RANBP17: variants seen among roughly 807,000 people sequenced by gnomAD.
The protein encoded by RANBP17 is ran-binding protein 17.
Under a neutral mutation model 141.2 loss-of-function variants are expected in RANBP17, and 158 were observed. That is an observed-to-expected ratio of 1.12 (90% CI 0.98 to 1.28). RANBP17 has a LOEUF of 1.28. Ranked by LOEUF, RANBP17 falls within the 50% of genes most tolerant of loss-of-function variation. The pLI, the probability that RANBP17 is intolerant of heterozygous loss-of-function variation, is 0.00. For synonymous variants in RANBP17, 430 were observed against 450.0 expected, an observed-to-expected ratio of 0.96 and a Z score of 0.56; for missense variants, 1,438 against 1,290.7, an observed-to-expected ratio of 1.11 and a Z score of -1.75.
chr5:171,252,200 A>C (rs1765616520), intron 24 of RANBP17: 17 of 1,578,908 alleles, frequency 1.1e-5, no homozygotes, highest in Admixed American at 1.0e-4. Context: ...GAATTCTTAA[A>C]TTACCTACTA....
At chr5:170,882,760 C>T (rs1479186158) in intron 3 of RANBP17, among the ~76,000 whole-genome samples, 5 of 152,110 alleles carry the variant, frequency 3.3e-5, no homozygotes, top group Non-Finnish European at 2.9e-5. Flanking sequence ...GATAAACAGT[C>T]TTGGAACTTT....
intron 16 of RANBP17, among the ~76,000 whole-genome samples, chr5:171,173,604 C>G (rs1760244799): frequency 6.6e-6 from 1 of 152,040 alleles, no homozygotes; most frequent in Non-Finnish European, 1.5e-5. Flanking sequence ...TTTTATCTGA[C>G]CACTTGTTAG....
intron 14 of RANBP17, among the ~76,000 whole-genome samples, chr5:171,163,304 G>A (rs916845172): frequency 2.0e-5 from 3 of 152,174 alleles, no homozygotes; most frequent in Admixed American, 6.5e-5. Flanking sequence ...AATGATGTTT[G>A]TACCATTAAT....
intron 14 of RANBP17, among the ~76,000 whole-genome samples, chr5:171,097,291 G>A (rs1786763117): frequency 6.6e-6 from 1 of 152,058 alleles, no homozygotes; most frequent in South Asian, 2.1e-4. Context: ...AAACACAGGA[G>A]AAGTTGGAAA....
rs117079206 is a variant in RANBP17 at position 170,911,713 on chromosome 5, A to G, written c.760+579A>G. Among the ~76,000 whole-genome samples the G allele has an allele frequency of 2.6e-5, 4 of 152,088 alleles. No homozygotes were observed. The East Asian group carries it at 7.7e-4, about 29-fold the overall frequency. ...AAGTTTAATATGAAGAGTTGGCAAGAGATGTCAACATATCTTTCAGGGTTA... is the reference window on the plus strand; with the variant it reads ...AAGTTTAATATGAAGAGTTGGCAAGGGATGTCAACATATCTTTCAGGGTTA... On this transcript the variant is annotated intron_variant, in intron 7 of 27. Transcript: ENST00000523189.
chr5:171,170,361 A>C (rs541831408), intron 15 of RANBP17, among the ~76,000 whole-genome samples, 158 bp downstream of exon 15: 2 of 152,154 alleles, frequency 1.3e-5, no homozygotes, highest in Non-Finnish European at 2.9e-5. Context: ...ATTGAAACTT[A>C]ATTTCACATA....
chr5:171,187,247 G>A (rs1424694199), intron 18 of RANBP17, among the ~76,000 whole-genome samples: 1 of 152,060 alleles, frequency 6.6e-6, no homozygotes, highest in Non-Finnish European at 1.5e-5. Flanking sequence ...ACAATTTGTG[G>A]TGCCCCACAA....
intron 14 of RANBP17, among the ~76,000 whole-genome samples, chr5:171,038,100 C>T (rs925322837): frequency 1.3e-5 from 2 of 151,608 alleles, no homozygotes; most frequent in African/African-American, 2.4e-5. Context: ...TTTCTTTCAA[C>T]AGTGTTTTGG....
At chr5:171,273,293 C>A (rs918059102) in intron 25 of RANBP17, among the ~76,000 whole-genome samples, 5 of 152,308 alleles carry the variant, frequency 3.3e-5, no homozygotes, top group Admixed American at 2.6e-4. Context: ...CTGTTGAGTA[C>A]CATTAACTCT....
intron 14 of RANBP17, among the ~76,000 whole-genome samples, chr5:171,125,296 C>CAAAAAAAAAAAAA (rs3083436): frequency 1.2e-5 from 1 of 85,952 alleles, no homozygotes; most frequent in African/African-American, 4.5e-5. Flanking sequence ...GACTATGTAT[C>CAAAAAAAAAAAAA]AAAAAAAAAA....
At chr5:171,185,551 A>G (rs1375038825) in intron 18 of RANBP17, among the ~76,000 whole-genome samples, 1 of 152,216 alleles carries the variant, frequency 6.6e-6, no homozygotes, top group African/African-American at 2.4e-5. Flanking sequence ...CGTCTTTACC[A>G]CAAGTAGATT....
intron 14 of RANBP17, chr5:171,028,726 T>C: frequency 2.9e-6 from 1 of 339,594 alleles, no homozygotes; most frequent in South Asian, 2.5e-5. Flanking sequence ...TTCCAACTTT[T>C]GCAGAGACTT....
intron 14 of RANBP17, among the ~76,000 whole-genome samples, chr5:171,062,012 G>T (rs1273228278): frequency 6.6e-6 from 1 of 151,282 alleles, no homozygotes; most frequent in Non-Finnish European, 1.5e-5. Flanking sequence ...CATTTGCTTG[G>T]TAGATCTTCC....
chr5:171,066,232 T>C (rs1784305829), intron 14 of RANBP17, among the ~76,000 whole-genome samples: 1 of 152,154 alleles, frequency 6.6e-6, no homozygotes, highest in Non-Finnish European at 1.5e-5. Context: ...TGGTTATTAA[T>C]CATAGTTACC....
intron 25 of RANBP17, among the ~76,000 whole-genome samples, chr5:171,280,649 C>T (rs1767798974): frequency 6.6e-6 from 1 of 152,150 alleles, no homozygotes; most frequent in Admixed American, 6.5e-5. Context: ...AGGAAGACTC[C>T]TTGTTTGTCT....
chr5:171,133,815 G>A (rs1757092127), intron 14 of RANBP17, among the ~76,000 whole-genome samples: 3 of 152,264 alleles, frequency 2.0e-5, no homozygotes, highest in Admixed American at 1.3e-4. Context: ...TTTTGAAAAA[G>A]AACATTGTAC....
chr5:171,267,026 C>CT (rs35762251), intron 25 of RANBP17, among the ~76,000 whole-genome samples: 6,490 of 114,538 alleles, frequency 0.057, 647 homozygotes, highest in African/African-American at 0.12. Context: ...ATTTTCTTTT[C>CT]TTTTTTTTTT....
At chr5:171,108,951 C>T (rs896261853) in intron 14 of RANBP17, among the ~76,000 whole-genome samples, 1 of 152,136 alleles carries the variant, frequency 6.6e-6, no homozygotes, top group African/African-American at 2.4e-5. Flanking sequence ...AGAATTTTCT[C>T]TGCCACTTGA....
chr5:171,227,745 A>G lies in RANBP17; in HGVS notation c.2422+5905A>G, dbSNP rs373309813. On this transcript the variant is annotated intron_variant, in intron 22 of 27. Coordinates refer to ENST00000523189, the MANE Select transcript of RANBP17 (RefSeq NM_022897.5). ...AGACTGAGTCTCTTGTTAGGGGTTA[A>G]TGCTGACGGTGACTTGAAGTTGAAG... 7.2e-5 allele frequency among the ~76,000 whole-genome samples: 11 copies of G among 152,302 alleles called. No homozygotes were observed. The South Asian group carries it at 8.3e-4, about 12-fold the overall frequency.
Sources: gnomAD v4.1 joint callset for allele counts (sites outside exome capture counted in the v4.1 genomes callset) on GRCh38, gnomAD v4.1.1 for gene constraint, MANE v1.5 for transcripts, NCBI Gene and HGNC (gene_info 2026-07-23, HGNC 2026-07-21) for gene names.